Variants in MARK4 observed in about 807,000 individuals in gnomAD.
The protein encoded by MARK4 is MAP/microtubule affinity-regulating kinase 4.
MARK4 carries 19 observed loss-of-function variants against 81.5 expected under a neutral mutation model. The observed-to-expected ratio is 0.23, with a 90% CI of 0.16 to 0.34. The LOEUF (loss-of-function observed/expected upper bound fraction) is 0.34, where lower values mean the gene tolerates loss of function less well. MARK4 is among the 10% of genes least tolerant of loss of function. The probability of loss-of-function intolerance (pLI) is 1.00; values close to 1 mark genes in which losing one functional copy is unlikely to be tolerated. For synonymous variants in MARK4, 436 were observed against 439.0 expected (o/e 0.99, Z 0.08); for missense variants, 772 against 1,058.8 (o/e 0.73, Z 3.76).
intron 12 of MARK4, 136 bp downstream of exon 12, chr19:45,280,870 A>C: frequency 3.2e-6 from 4 of 1,262,730 alleles, no homozygotes; most frequent in Non-Finnish European, 4.4e-6. Context: ...ATGTCTTATA[A>C]AGACACAGGG....
chr19:45,261,152 A>G (rs557410174), intron 2 of MARK4, among the ~76,000 whole-genome samples: 10 of 152,276 alleles, frequency 6.6e-5, no homozygotes, highest in African/African-American at 1.9e-4. Context: ...ATCCTACCAG[A>G]TGTTCACATT....
chr19:45,255,145 G>C (rs951639857), intron 1 of MARK4, among the ~76,000 whole-genome samples: 2 of 151,922 alleles, frequency 1.3e-5, no homozygotes, highest in South Asian at 2.1e-4. Context: ...TGAGGCTCCA[G>C]TGAGCCTTGA....
intron 16 of MARK4, among the ~76,000 whole-genome samples, chr19:45,300,344 G>GGAAAAAAAA (rs1970951747): frequency 1.2e-4 from 4 of 32,338 alleles, no homozygotes; most frequent in Non-Finnish European, 2.3e-4. Context: ...AACTCCGTCT[G>GGAAAAAAAA]AAAAAAAAAA....
In MARK4 at chr19:45,271,579, C is replaced by G. The variant is rs1970527752; in HGVS notation, c.657C>G (p.Pro219=). The G allele has an allele frequency of 6.2e-7, 1 of 1,614,236 alleles. No homozygotes were observed. Among genetic ancestry groups the G allele is most frequent in the Non-Finnish European group, 8.5e-7 (1 of 1,180,044 alleles). ...GSKLDTFCGS[P]PYAAPELFQG... ...AGCTGGACACGTTCTGCGGGAGCCC[C>G]CCATATGCCGCCCCGGAGCTGTTTC... is the stretch of plus-strand genomic sequence containing the variant. Residue 219 remains proline, a synonymous_variant, in exon 8 of 17, where the codon CCC becomes CCG. Coordinates refer to ENST00000262891, the MANE Select transcript of MARK4 (RefSeq NM_001199867.2). This position sits in a 1 kb window ranked among gnomAD's most constrained non-coding sequence, Gnocchi z 4.1.
intron 1 of MARK4, among the ~76,000 whole-genome samples, chr19:45,251,876 C>T (rs1024793058): frequency 1.1e-4 from 17 of 152,104 alleles, no homozygotes; most frequent in African/African-American, 4.1e-4. Flanking sequence ...CCGTGCAGAC[C>T]GCTTCCGCTC....
chr19:45,251,699 C>T, intron 1 of MARK4, 60 bp downstream of exon 1: 6 of 1,412,474 alleles, frequency 4.2e-6, no homozygotes, highest in Non-Finnish European at 4.8e-6. Context: ...AACCCTTCTC[C>T]CCGTTGTACC....
At position 45,300,344 on chromosome 19, in the gene MARK4, G is replaced by GGAAAAAAAAAAA. The variant is rs1970951747; in HGVS notation, c.1922+489_1922+490insGAAAAAAAAAAA. Among the ~76,000 whole-genome samples, 15 of 32,336 alleles carry GGAAAAAAAAAAA rather than the reference G, an allele frequency of 4.6e-4. 1 individual carries two copies. Among genetic ancestry groups the GGAAAAAAAAAAA allele is most frequent in the South Asian group, 3.9e-3 (2 of 514 alleles). The allele number at this position is 32,336 out of a possible 152,430, so 21.2% of individuals were successfully genotyped here. On this transcript the variant is annotated intron_variant, in intron 16 of 16. Transcript: ENST00000262891. ...GGGTAGCAAGAGTGAAACTCCGTCTGAAAAAAAAAAAAAAAAAAAAAAAAA... is the reference window on the plus strand; with the variant it reads ...GGGTAGCAAGAGTGAAACTCCGTCTGGAAAAAAAAAAAAAAAAAAAAAAAAAAAAAAAAAAAA...
chr19:45,289,381 G>GT, intron 13 of MARK4, among the ~76,000 whole-genome samples: 1 of 60,486 alleles, frequency 1.7e-5, no homozygotes, highest in Admixed American at 2.6e-4. Flanking sequence ...GCAAGACTCT[G>GT]TTTCAAAAAA....
chr19:45,291,210 A>G (rs922501318), intron 13 of MARK4, among the ~76,000 whole-genome samples: 4 of 152,190 alleles, frequency 2.6e-5, no homozygotes, highest in African/African-American at 9.7e-5. Flanking sequence ...GGTTAAAGAA[A>G]AAAGAAAACA....
intron 12 of MARK4, among the ~76,000 whole-genome samples, chr19:45,286,137 C>A (rs1349452159): frequency 6.6e-6 from 1 of 152,078 alleles, no homozygotes; most frequent in Non-Finnish European, 1.5e-5. Context: ...CTCACTGCAA[C>A]CTCTGCCTCC....
chr19:45,299,949 C>A, intron 16 of MARK4, 94 bp downstream of exon 16: 2 of 1,246,680 alleles, frequency 1.6e-6, no homozygotes, highest in Admixed American at 2.3e-5. Flanking sequence ...GGGCCCCAGT[C>A]TCATCCTGCA....
At chr19:45,285,487 G>A (rs986307593) in intron 12 of MARK4, among the ~76,000 whole-genome samples, 3 of 152,118 alleles carry the variant, frequency 2.0e-5, no homozygotes, top group African/African-American at 7.2e-5. Flanking sequence ...CAGGGAATCT[G>A]AGACCCAGCA....
intron 12 of MARK4, among the ~76,000 whole-genome samples, chr19:45,283,447 A>G (rs1422457741): frequency 6.7e-6 from 1 of 150,144 alleles, no homozygotes; most frequent in African/African-American, 2.5e-5. Context: ...TCAACTTCCA[A>G]TCCCCCTTCC....
chr19:45,289,185 C>T (rs1381957227), intron 13 of MARK4, among the ~76,000 whole-genome samples: 1 of 151,758 alleles, frequency 6.6e-6, no homozygotes, highest in African/African-American at 2.4e-5. Context: ...GTCAAGAGAT[C>T]GAGACCACCT....
Position 45,264,835 on chromosome 19 carries a change from T to C in MARK4, c.422-5T>C, listed in dbSNP as rs1322778807. ...CCCTGACCCCGCTCGGCCTCTGCCC[T>C]GCAGGAGAAGTGTTTGACTACCTCG... On this transcript the variant is annotated splice_region_variant and splice_polypyrimidine_tract_variant and intron_variant, in intron 5 of 16. Coordinates refer to ENST00000262891, the MANE Select transcript of MARK4 (RefSeq NM_001199867.2). The C allele has an allele frequency of 6.2e-7, 1 of 1,614,048 alleles. No homozygotes were observed. Among genetic ancestry groups the C allele is most frequent in the African/African-American group, 1.3e-5 (1 of 75,052 alleles).
At chr19:45,285,261 CAAAAAAAA>C (rs71173139) in intron 12 of MARK4, among the ~76,000 whole-genome samples, 5 of 57,108 alleles carry the variant, frequency 8.8e-5, no homozygotes, top group African/African-American at 3.3e-4. Flanking sequence ...TGCCGTGTCT[CAAAAAAAA>C]AAAAAAAAAA....
intron 7 of MARK4, among the ~76,000 whole-genome samples, chr19:45,269,199 C>G (rs549533953): frequency 2.0e-5 from 3 of 152,028 alleles, no homozygotes; most frequent in Non-Finnish European, 2.9e-5. Flanking sequence ...GCCAACATGG[C>G]AAGACCTCGT....
chr19:45,262,965 G>A (rs959510043), intron 2 of MARK4, 148 bp from the exon 3 acceptor site: 196 of 827,888 alleles, frequency 2.4e-4, no homozygotes, highest in Middle Eastern at 4.6e-4. Flanking sequence ...GGGTTTCGTC[G>A]TGTTGACCAG....
chr19:45,274,834 C>A (rs1046710123), intron 8 of MARK4, among the ~76,000 whole-genome samples: 3 of 152,304 alleles, frequency 2.0e-5, no homozygotes, highest in Non-Finnish European at 4.4e-5. Flanking sequence ...CCACCAGGCA[C>A]CCCAGGCCTT....
Sources: gnomAD v4.1 joint callset for allele counts (sites outside exome capture counted in the v4.1 genomes callset) on GRCh38, gnomAD v4.1.1 for gene constraint, Gnocchi (gnomAD v3.1) non-coding constraint, MANE v1.5 for transcripts, NCBI Gene and HGNC (gene_info 2026-07-23, HGNC 2026-07-21) for gene names.